GNA12: variants seen among roughly 807,000 people sequenced by gnomAD.
The protein encoded by GNA12 is G protein subunit alpha 12.
In GNA12, 9 loss-of-function variants were observed where a neutral mutation model predicts 26.0. The observed-to-expected ratio is 0.35, with a 90% CI of 0.21 to 0.60. GNA12 has a LOEUF of 0.60. Ranked by LOEUF, GNA12 falls within the 20% of genes least tolerant of loss-of-function variation. The pLI is 0.78. For missense variants in GNA12, 405 were observed against 525.8 expected (o/e 0.77, Z 2.25); for synonymous variants, 264 against 219.6 (o/e 1.20, Z -1.79).
chr7:2,843,639 CCCATCTCAAAAAGGGCGAGACG>C (rs1457575691), intron 1 of GNA12, among the ~76,000 whole-genome samples, 192 bp downstream of exon 1: 1 of 151,418 alleles, frequency 6.6e-6, no homozygotes, highest in Admixed American at 6.6e-5. Flanking sequence ...ACAGCGAGAC[CCCATCTCAAAAAGGGCGAGACG>C]GGGTGGGGCA....
chr7:2,807,260 G>T (rs2533882), intron 1 of GNA12, among the ~76,000 whole-genome samples: 35,941 of 149,536 alleles, frequency 0.24, 5,024 homozygotes, highest in Non-Finnish European at 0.29. Flanking sequence ...CTTTTATACT[G>T]ATTTTTATAC....
At chr7:2,766,897 T>G (rs1428350428) in intron 2 of GNA12, among the ~76,000 whole-genome samples, 1 of 152,118 alleles carries the variant, frequency 6.6e-6, no homozygotes, top group Non-Finnish European at 1.5e-5. Flanking sequence ...CACCAACACT[T>G]GTTATTTTGT....
At chr7:2,778,969 C>A (rs927311194) in intron 2 of GNA12, among the ~76,000 whole-genome samples, 3 of 152,210 alleles carry the variant, frequency 2.0e-5, no homozygotes, top group Non-Finnish European at 4.4e-5. Flanking sequence ...ATTATTTCAA[C>A]TGTAAGCCTT....
intron 1 of GNA12, among the ~76,000 whole-genome samples, chr7:2,841,830 G>T (rs1411343322): frequency 2.0e-5 from 3 of 152,148 alleles, no homozygotes; most frequent in Non-Finnish European, 4.4e-5. Context: ...ACGGGGCTTT[G>T]CTAAATTTAA....
intron 2 of GNA12, among the ~76,000 whole-genome samples, chr7:2,768,267 C>T (rs1175620668): frequency 1.3e-5 from 2 of 152,216 alleles, no homozygotes; most frequent in African/African-American, 4.8e-5. Flanking sequence ...GAAATGGTTT[C>T]TGTTTTCCAA....
chr7:2,825,556 C>G (rs988894713), intron 1 of GNA12, among the ~76,000 whole-genome samples: 1 of 152,204 alleles, frequency 6.6e-6, no homozygotes, highest in South Asian at 2.1e-4. Flanking sequence ...AGGGAGCTAT[C>G]TCAGAGAGGA....
At chr7:2,806,507 CT>C (rs1220171061) in intron 1 of GNA12, among the ~76,000 whole-genome samples, 16 of 149,068 alleles carry the variant, frequency 1.1e-4, no homozygotes, top group Admixed American at 8.0e-4. Context: ...AAGAACTTGT[CT>C]TTTTCTGATT....
chr7:2,744,835 G>C (rs182406784), intron 2 of GNA12, among the ~76,000 whole-genome samples: 26 of 152,312 alleles, frequency 1.7e-4, no homozygotes, highest in African/African-American at 6.3e-4. Context: ...GGACCTGATG[G>C]AGCTGAAAAC....
intron 1 of GNA12, among the ~76,000 whole-genome samples, chr7:2,817,816 G>C (rs1478157056): frequency 6.6e-6 from 1 of 152,214 alleles, no homozygotes; most frequent in African/African-American, 2.4e-5. Flanking sequence ...GACAAATGTT[G>C]TCATCTATTA....
chr7:2,734,284 C>G (rs1790048119), intron 2 of GNA12, among the ~76,000 whole-genome samples: 1 of 152,188 alleles, frequency 6.6e-6, no homozygotes, highest in Admixed American at 6.5e-5. Context: ...TGAACAGGCA[C>G]GCAATGAGTC....
rs989272893 is a variant in GNA12, at chr7:2,843,333, C to T, written c.309+520G>A. Among the ~76,000 whole-genome samples, 3 of 152,120 alleles carry T rather than the reference C, an allele frequency of 2.0e-5. No individual in the cohort carries two copies. In the East Asian group the frequency reaches 5.8e-4, roughly 29 times the overall value. ...TGGCCCGAGTTCCCACTCCCACGGT[C>T]CCCAGGCACCCTAGAGAGGGCAGAG... On this transcript the variant is annotated intron_variant, in intron 1 of 3. Coordinates refer to ENST00000275364, the MANE Select transcript of GNA12 (RefSeq NM_007353.3).
chr7:2,780,191 G>C (rs1583275387), intron 2 of GNA12, among the ~76,000 whole-genome samples: 1 of 150,266 alleles, frequency 6.7e-6, no homozygotes, highest in East Asian at 2.0e-4. Flanking sequence ...TGTCAACATA[G>C]AGAGTTCTCT....
At chr7:2,807,544 ATC>A (rs1470183903) in intron 1 of GNA12, among the ~76,000 whole-genome samples, 2 of 151,942 alleles carry the variant, frequency 1.3e-5, no homozygotes, top group African/African-American at 2.4e-5. Flanking sequence ...ATAAACAGAA[ATC>A]TCTTTGAATT....
intron 2 of GNA12, among the ~76,000 whole-genome samples, chr7:2,739,717 C>T (rs1237267159): frequency 8.5e-5 from 13 of 152,138 alleles, no homozygotes; most frequent in Admixed American, 8.5e-4. Flanking sequence ...CCCCGTTGCT[C>T]AGGCTGAGTG....
chr7:2,763,856 C>A (rs1320515054), intron 2 of GNA12, among the ~76,000 whole-genome samples: 1 of 152,208 alleles, frequency 6.6e-6, no homozygotes, highest in Non-Finnish European at 1.5e-5. Context: ...GCCTCCATGG[C>A]TGGCAGAGAG....
chr7:2,762,738 C>A, intron 2 of GNA12: 1 of 1,555,480 alleles, frequency 6.4e-7, no homozygotes, highest in Non-Finnish European at 8.7e-7. Context: ...TGTCCTCCCT[C>A]CCGCAGGAAG....
rs1793107491 is a variant in GNA12 at position 2,812,636 on chromosome 7, A to ACATCACATCACATCACATCACATCACATC, written c.310-17494_310-17493insGATGTGATGTGATGTGATGTGATGTGATG. On this transcript the variant is annotated intron_variant, in intron 1 of 3. Coordinates refer to ENST00000275364, the MANE Select transcript of GNA12 (RefSeq NM_007353.3). The stretch of plus-strand genomic sequence containing the variant: ...AAGAGTGAAACTCCATCTCAAAAAT[A>ACATCACATCACATCACATCACATCACATC]ACATCACATCACATCACATCACATC... 2.2e-5 allele frequency among the ~76,000 whole-genome samples: 3 copies of ACATCACATCACATCACATCACATCACATC among 134,094 alleles called. No individual in the cohort carries two copies. The Admixed American group carries it at 2.3e-4, about 10-fold the overall frequency. The allele number at this position is 134,094 out of a possible 152,430, so 88.0% of individuals were successfully genotyped here.
intron 1 of GNA12, among the ~76,000 whole-genome samples, chr7:2,799,199 A>C (rs955619128): frequency 6.6e-6 from 1 of 152,236 alleles, no homozygotes; most frequent in African/African-American, 2.4e-5. Context: ...GCTGAAAAGA[A>C]GCTATGAACT....
At chr7:2,802,808 C>G (rs896186994) in intron 1 of GNA12, among the ~76,000 whole-genome samples, 1 of 152,188 alleles carries the variant, frequency 6.6e-6, no homozygotes, top group African/African-American at 2.4e-5. Flanking sequence ...ACAAAGACAG[C>G]GCCTCTTAGT....
Sources: allele counts gnomAD v4.1 joint callset (sites outside exome capture counted in the v4.1 genomes callset), GRCh38; gene constraint gnomAD v4.1.1; transcripts MANE v1.5; gene names NCBI Gene and HGNC (gene_info 2026-07-23, HGNC 2026-07-21).